MTCH2: variants seen among roughly 807,000 people sequenced by gnomAD.
MTCH2 encodes the protein mitochondrial carrier 2.
In MTCH2, 25 loss-of-function variants were observed where a neutral mutation model predicts 50.6. The ratio of observed to expected loss-of-function variants is 0.49; its 90% CI spans 0.36 to 0.69. The LOEUF is 0.69. MTCH2 is among the 30% of genes least tolerant of loss of function. The probability of loss-of-function intolerance (pLI) is 0.00; values close to 1 mark genes in which losing one functional copy is unlikely to be tolerated. For synonymous variants in MTCH2, 106 were observed against 132.0 expected (o/e 0.80, Z 1.35); for missense variants, 273 against 384.4 (o/e 0.71, Z 2.42).
chr11:47,635,307 G>C (rs1169452085), intron 4 of MTCH2, among the ~76,000 whole-genome samples: 1 of 151,692 alleles, frequency 6.6e-6, no homozygotes, highest in Non-Finnish European at 1.5e-5. Flanking sequence ...ACTCTTAGAT[G>C]CAAGTGATCC....
At position 47,639,020 on chromosome 11, in the gene MTCH2, C is replaced by T. The variant is rs902127721; in HGVS notation, c.119G>A (p.Gly40Glu). 1.9e-6 allele frequency: 3 copies of T among 1,613,634 alleles called. No individual in the cohort carries two copies. The highest frequency in any genetic ancestry group is 1.7e-6 in the Non-Finnish European group (2 of 1,179,786). The change falls in exon 2 of 13, where the codon GGA becomes GAA. Residue 40 changes from glycine to glutamate, a missense_variant. Coordinates refer to ENST00000302503, the MANE Select transcript of MTCH2 (RefSeq NM_014342.4). ...VGYEPLPPTI[G>E]RNIFGRQVCQ... ...CACTTGCCGCCCAAAAATATTTCGT[C>T]CTATTGTTGGAGGAAGAGGCTCATA...
chr11:47,619,317 A>G (rs971329580), intron 12 of MTCH2, among the ~76,000 whole-genome samples: 1 of 152,076 alleles, frequency 6.6e-6, no homozygotes, highest in African/African-American at 2.4e-5. Flanking sequence ...GCTCACTGCA[A>G]CCTCTGCCTC....
At chr11:47,615,963 CTTCT>C (rs1187124773), downstream of MTCH2, among the ~76,000 whole-genome samples, 2 of 151,764 alleles carry the variant, frequency 1.3e-5, no homozygotes, top group African/African-American at 4.8e-5. Flanking sequence ...AAACCCATAC[CTTCT>C]TTATTTTTAA....
At chr11:47,609,837 T>G in the MTCH2 span, among the ~76,000 whole-genome samples, 1,098 of 152,196 alleles carry the variant, frequency 7.2e-3, 13 homozygotes, top group African/African-American at 0.025. Flanking sequence ...AGATAGAGGC[T>G]GCAGCAACAG....
chr11:47,619,530 CGGCCTATTTATTTCT>C (rs1293087053), intron 12 of MTCH2, among the ~76,000 whole-genome samples: 1 of 152,016 alleles, frequency 6.6e-6, no homozygotes, highest in Admixed American at 6.6e-5. Flanking sequence ...CCACCATACC[CGGCCTATTTATTTCT>C]TAATGAAATG....
chr11:47,627,009 C>T, intron 10 of MTCH2, 71 bp downstream of exon 10: 2 of 1,194,992 alleles, frequency 1.7e-6, no homozygotes, highest in Non-Finnish European at 2.4e-6. Flanking sequence ...ATGACACAAG[C>T]CAGATTTAAA....
chr11:47,618,460 G>A lies in MTCH2; in HGVS notation c.*373C>T, dbSNP rs2097290064. On this transcript the variant is annotated 3_prime_UTR_variant, in exon 13 of 13. Coordinates refer to ENST00000302503, the MANE Select transcript of MTCH2 (RefSeq NM_014342.4). ...TAGTTTAATTTAGTGATTTTGTTAA[G>A]TTTTACAAAATTATTTCTCATTTTT... 4.0e-6 allele frequency: 1 copy of A among 253,036 alleles called. No homozygotes were observed. Among genetic ancestry groups the A allele is most frequent in the Non-Finnish European group, 7.6e-6 (1 of 131,506 alleles). 15.7% of individuals were successfully genotyped at this position (253,036 alleles called of 1,614,324 possible).
intron 7 of MTCH2, 58 bp from the exon 8 acceptor site, chr11:47,630,672 A>T (rs1472454325): frequency 6.8e-7 from 1 of 1,472,214 alleles, no homozygotes; most frequent in East Asian, 2.3e-5. Context: ...GCTATAAACA[A>T]AATAATTTCA....
chr11:47,642,362 G>A lies in MTCH2; in HGVS notation c.87+17C>T. ...AACGGGGCGCCGGGCGGGGTAGGGA[G>A]CGGCGACGCCTCATACCTGGATGAG... is the stretch of plus-strand genomic sequence containing the variant. On this transcript the variant is annotated intron_variant, in intron 1 of 12. Transcript: ENST00000302503. The A allele has an allele frequency of 7.1e-7, 1 of 1,411,156 alleles. No homozygotes were observed. Among genetic ancestry groups the A allele is most frequent in the Non-Finnish European group, 9.2e-7 (1 of 1,083,432 alleles). 87.4% of individuals were successfully genotyped at this position (1,411,156 alleles called of 1,614,324 possible). A position where few individuals can be genotyped will look rare whatever the true frequency, so the allele number is the denominator to read the frequency against.
intron 10 of MTCH2, 65 bp from the exon 11 acceptor site, chr11:47,625,806 C>G: frequency 7.6e-7 from 1 of 1,308,420 alleles, no homozygotes; most frequent in South Asian, 1.2e-5. Context: ...CTTTCCTTTA[C>G]CTTAAAGGCC....
intron 5 of MTCH2, among the ~76,000 whole-genome samples, chr11:47,632,356 CA>C (rs139527136): frequency 6.7e-5 from 10 of 148,756 alleles, no homozygotes; most frequent in East Asian, 1.9e-4. Context: ...TTGGCTTTTG[CA>C]TTTTTTTTTT....
At chr11:47,610,319 A>G in the MTCH2 span, among the ~76,000 whole-genome samples, 1 of 152,214 alleles carries the variant, frequency 6.6e-6, no homozygotes, top group Non-Finnish European at 1.5e-5. Context: ...ATTATTGTCT[A>G]TACTTGGAAA....
the MTCH2 span, among the ~76,000 whole-genome samples, chr11:47,607,428 C>G: frequency 6.6e-6 from 1 of 152,122 alleles, no homozygotes; most frequent in Non-Finnish European, 1.5e-5. Flanking sequence ...GAAAACAGTC[C>G]AGCTCTGAGA....
At chr11:47,610,127 C>G in the MTCH2 span, among the ~76,000 whole-genome samples, 1 of 152,120 alleles carries the variant, frequency 6.6e-6, no homozygotes, top group Non-Finnish European at 1.5e-5. Context: ...GTGGATACAG[C>G]TAGGAGGCAG....
chr11:47,616,845 G>T (rs1171525746), downstream of MTCH2, among the ~76,000 whole-genome samples: 1 of 151,762 alleles, frequency 6.6e-6, no homozygotes, highest in Admixed American at 6.6e-5. Context: ...CACCATGCCC[G>T]GCTAATTTTG....
intron 11 of MTCH2, among the ~76,000 whole-genome samples, chr11:47,625,174 A>C (rs1185242758): frequency 6.6e-6 from 1 of 151,790 alleles, no homozygotes; most frequent in East Asian, 1.9e-4. Context: ...TAATCCCAGC[A>C]CTTTGGGAGA....
chr11:47,621,081 G>GACC (rs2097292798), intron 12 of MTCH2, among the ~76,000 whole-genome samples: 1 of 152,128 alleles, frequency 6.6e-6, no homozygotes, highest in Non-Finnish European at 1.5e-5. Context: ...TTTAAACAGG[G>GACC]ACCACACTGT....
In MTCH2 at chr11:47,625,548, C is replaced by G. The variant is rs187899857; in HGVS notation, c.749+126G>C. 363 of 736,980 alleles carry G rather than the reference C, an allele frequency of 4.9e-4. 2 individuals carry two copies. The East Asian group carries it at 8.2e-3, about 17-fold the overall frequency. 45.7% of individuals were successfully genotyped at this position (736,980 alleles called of 1,614,324 possible). A position where few individuals can be genotyped will look rare whatever the true frequency, so the allele number is the denominator to read the frequency against. On this transcript the variant is annotated intron_variant, in intron 11 of 12. Coordinates refer to ENST00000302503, the MANE Select transcript of MTCH2 (RefSeq NM_014342.4). Reference sequence around the variant, plus strand: ...TATCAATTATACTTTTCCTCCCCCCCTTTTTAAAAAAATACCAATCAGAGA... The same window carrying G: ...TATCAATTATACTTTTCCTCCCCCCGTTTTTAAAAAAATACCAATCAGAGA...
rs1013364248 is a variant in MTCH2, at chr11:47,627,187, T to C, written c.634-60A>G. The C allele has an allele frequency of 4.8e-6, 6 of 1,250,262 alleles. No individual in the cohort carries two copies. In the African/African-American group the frequency reaches 7.8e-5, roughly 16 times the overall value. 77.4% of individuals were successfully genotyped at this position (1,250,262 alleles called of 1,614,324 possible). On this transcript the variant is annotated intron_variant, in intron 9 of 12. Transcript: ENST00000302503. ...ACAACACTACAACACATCAATATATTCTTTTTTCCTTTTCTTTTCTTTTCT... is the reference window on the plus strand; with the variant it reads ...ACAACACTACAACACATCAATATATCCTTTTTTCCTTTTCTTTTCTTTTCT...
Sources: gnomAD v4.1 joint callset for allele counts (sites outside exome capture counted in the v4.1 genomes callset) on GRCh38, gnomAD v4.1.1 for gene constraint, MANE v1.5 for transcripts, NCBI Gene and HGNC (gene_info 2026-07-23, HGNC 2026-07-21) for gene names.